Variants in PRDM6 observed in about 807,000 individuals in gnomAD.
The protein encoded by PRDM6 is putative histone-lysine N-methyltransferase PRDM6.
In PRDM6, 25 loss-of-function variants were observed where a neutral mutation model predicts 60.8. The observed-to-expected ratio is 0.41, with a 90% CI of 0.30 to 0.57. PRDM6 has a LOEUF of 0.57. Ranked by LOEUF, PRDM6 falls within the 20% of genes least tolerant of loss-of-function variation. The pLI is 0.27. For missense variants in PRDM6, 839 were observed against 821.3 expected (o/e 1.02, Z -0.26); for synonymous variants, 407 against 357.4 (o/e 1.14, Z -1.57).
intron 6 of PRDM6, among the ~76,000 whole-genome samples, chr5:123,177,142 A>T (rs1016701616): frequency 3.9e-5 from 6 of 152,206 alleles, no homozygotes; most frequent in Admixed American, 3.9e-4. Flanking sequence ...GGGCCTGAAG[A>T]TTTAATTTTT....
chr5:123,186,798 T>C (rs1766298522), intron 7 of PRDM6, among the ~76,000 whole-genome samples: 1 of 152,228 alleles, frequency 6.6e-6, no homozygotes, highest in South Asian at 2.1e-4. Context: ...AAATCTCTTT[T>C]TGTTCTTTAT....
intron 3 of PRDM6, among the ~76,000 whole-genome samples, chr5:123,130,013 C>A (rs1764784589): frequency 6.7e-6 from 1 of 148,602 alleles, no homozygotes; most frequent in Non-Finnish European, 1.5e-5. Flanking sequence ...CTTTCCTTTT[C>A]CCTTTCCCTT....
Position 123,193,442 on chromosome 5 carries a change from A to G in PRDM6, c.*6241A>G, listed in dbSNP as rs1387406737. ...AGTCCCTGTTGATCCACATGTGGGC[A>G]TTGTCTAATGTTAACAAAATCAGCA... On this transcript the variant is annotated 3_prime_UTR_variant, in exon 8 of 8. Transcript: ENST00000407847. The G allele has an allele frequency of 6.6e-6, 1 of 152,222 alleles. No homozygotes were observed. Among genetic ancestry groups the G allele is most frequent in the East Asian group, 1.9e-4 (1 of 5,200 alleles). The allele number at this position is 152,222 out of a possible 1,614,324, so 9.4% of individuals were successfully genotyped here. A position where few individuals can be genotyped will look rare whatever the true frequency, so the allele number is the denominator to read the frequency against.
intron 3 of PRDM6, among the ~76,000 whole-genome samples, chr5:123,141,801 A>G (rs1219280225): frequency 6.6e-6 from 1 of 152,172 alleles, no homozygotes; most frequent in Non-Finnish European, 1.5e-5. Flanking sequence ...CTGTTTGAGC[A>G]CTTAGTGTGT....
At chr5:123,162,660 A>C (rs1765661329) in intron 5 of PRDM6, among the ~76,000 whole-genome samples, 1 of 152,164 alleles carries the variant, frequency 6.6e-6, no homozygotes, top group African/African-American at 2.4e-5. Flanking sequence ...CCATTGACTA[A>C]AGTGCTCAAC....
chr5:123,089,713 C>T (rs1014770478), intron 1 of PRDM6, among the ~76,000 whole-genome samples, 194 bp downstream of exon 1: 2 of 152,094 alleles, frequency 1.3e-5, no homozygotes, highest in Non-Finnish European at 2.9e-5. Context: ...GTCCTGCAGC[C>T]GAGTTCTACG....
At chr5:123,181,081 T>G (rs1766148037) in intron 7 of PRDM6, among the ~76,000 whole-genome samples, 1 of 152,250 alleles carries the variant, frequency 6.6e-6, no homozygotes, top group Non-Finnish European at 1.5e-5. Context: ...ATTCATTCAC[T>G]TATTCACTCA....
At chr5:123,119,470 G>T (rs1764531974) in intron 3 of PRDM6, among the ~76,000 whole-genome samples, 1 of 152,134 alleles carries the variant, frequency 6.6e-6, no homozygotes, top group Middle Eastern at 3.2e-3. Context: ...CACCTTCAGG[G>T]CGGCTCTGTG....
chr5:123,170,283 A>G (rs1384872039), intron 5 of PRDM6, among the ~76,000 whole-genome samples: 1 of 152,022 alleles, frequency 6.6e-6, no homozygotes, highest in African/African-American at 2.4e-5. Flanking sequence ...CATCTCTTCA[A>G]ATAGCTTTTC....
At chr5:123,110,570 T>C (rs371563995) in intron 3 of PRDM6, among the ~76,000 whole-genome samples, 17,541 of 128,992 alleles carry the variant, frequency 0.14, 737 homozygotes, top group Non-Finnish European at 0.16. Flanking sequence ...TTTTTTTTCT[T>C]TTTTTTTTTT....
intron 3 of PRDM6, among the ~76,000 whole-genome samples, chr5:123,152,449 A>G (rs1050847623): frequency 5.9e-5 from 9 of 152,186 alleles, no homozygotes; most frequent in Non-Finnish European, 1.2e-4. Context: ...AAATTTTTAA[A>G]CATTGTTCAG....
intron 3 of PRDM6, among the ~76,000 whole-genome samples, chr5:123,104,379 A>G (rs958535723): frequency 6.6e-6 from 1 of 152,118 alleles, no homozygotes; most frequent in African/African-American, 2.4e-5. Context: ...TTAGATGTTG[A>G]AAAAATTATT....
intron 3 of PRDM6, among the ~76,000 whole-genome samples, chr5:123,127,212 A>G (rs951149382): frequency 6.6e-6 from 1 of 152,070 alleles, no homozygotes; most frequent in African/African-American, 2.4e-5. Context: ...TAATTCTTGT[A>G]TGTTTAGTAG....
At chr5:123,178,687 T>TA (rs1162193099) in intron 6 of PRDM6, among the ~76,000 whole-genome samples, 1 of 152,218 alleles carries the variant, frequency 6.6e-6, no homozygotes, top group Non-Finnish European at 1.5e-5. Flanking sequence ...TTAGTCAAGC[T>TA]AAAAAATTCT....
intron 5 of PRDM6, among the ~76,000 whole-genome samples, chr5:123,165,448 A>C (rs182350848): frequency 2.6e-5 from 4 of 152,152 alleles, no homozygotes; most frequent in Non-Finnish European, 4.4e-5. Context: ...TAGTGTCACC[A>C]TCCACTCTGG....
At chr5:123,163,765 A>G (rs1218423328) in intron 5 of PRDM6, among the ~76,000 whole-genome samples, 1 of 152,196 alleles carries the variant, frequency 6.6e-6, no homozygotes, top group Non-Finnish European at 1.5e-5. Context: ...GAAATTAAAA[A>G]AAATCCTGGG....
At chr5:123,118,284 T>G (rs969423176) in intron 3 of PRDM6, among the ~76,000 whole-genome samples, 1 of 152,240 alleles carries the variant, frequency 6.6e-6, no homozygotes, top group African/African-American at 2.4e-5. Context: ...CAAGTTGTTT[T>G]GTTTAGAAGG....
At chr5:123,098,365 G>A (rs1195463997) in intron 2 of PRDM6, among the ~76,000 whole-genome samples, 1 of 152,262 alleles carries the variant, frequency 6.6e-6, no homozygotes, top group African/African-American at 2.4e-5. Flanking sequence ...GGGAAGCTGG[G>A]CCAAGGAGGC....
intron 5 of PRDM6, among the ~76,000 whole-genome samples, chr5:123,162,111 A>C (rs1765646358): frequency 6.6e-6 from 1 of 152,190 alleles, no homozygotes; most frequent in Non-Finnish European, 1.5e-5. Flanking sequence ...GGATGGCATG[A>C]CCACTTACTA....
Sources: allele counts gnomAD v4.1 joint callset (sites outside exome capture counted in the v4.1 genomes callset), GRCh38; gene constraint gnomAD v4.1.1; transcripts MANE v1.5; gene names NCBI Gene and HGNC (gene_info 2026-07-23, HGNC 2026-07-21).